LAYN: variants seen among roughly 807,000 people sequenced by gnomAD.
LAYN encodes the protein layilin.
A neutral mutation model predicts 43.6 loss-of-function variants in LAYN; 38 were observed. That is an observed-to-expected ratio of 0.87 (90% CI 0.67 to 1.14). The LOEUF (loss-of-function observed/expected upper bound fraction) is 1.14, where lower values mean the gene tolerates loss of function less well. Among genes scored for constraint, LAYN ranks in the 50% most tolerant of loss-of-function variants. The pLI is 0.00. For synonymous variants in LAYN, 168 were observed against 172.9 expected (o/e 0.97, Z 0.22); for missense variants, 479 against 463.8 (o/e 1.03, Z -0.30).
chr11:111,559,355 G>T (rs1867903792), intron 6 of LAYN, among the ~76,000 whole-genome samples: 1 of 152,022 alleles, frequency 6.6e-6, no homozygotes, highest in South Asian at 2.1e-4. Context: ...TATTAATCCT[G>T]CTGTTTTATC....
intron 2 of LAYN, among the ~76,000 whole-genome samples, chr11:111,548,847 T>C (rs939917687): frequency 1.4e-4 from 22 of 152,254 alleles, no homozygotes; most frequent in Admixed American, 7.2e-4. Context: ...TACTCACAGA[T>C]GTAAACGCTC....
chr11:111,555,797 T>C (rs1023009428), intron 5 of LAYN, among the ~76,000 whole-genome samples: 11 of 152,212 alleles, frequency 7.2e-5, no homozygotes, highest in African/African-American at 2.7e-4. Flanking sequence ...ACATCTGAGT[T>C]TTTGTCACTG....
At position 111,544,227 on chromosome 11, in the gene LAYN, G is replaced by A. The variant is rs746729013; in HGVS notation, c.383+7G>A. 3 of 1,606,506 alleles carry A rather than the reference G, an allele frequency of 1.9e-6. No individual in the cohort carries two copies. The highest frequency in any genetic ancestry group is 2.2e-5 in the South Asian group (2 of 89,780). On this transcript the variant is annotated splice_region_variant and intron_variant, in intron 2 of 6. Transcript: ENST00000375614. The stretch of plus-strand genomic sequence containing the variant: ...GCAGCATATCACAATTTAGGTAAGT[G>A]TGTGGAACCCACAGCTGCTGACTCA...
chr11:111,560,132 C>CA lies in LAYN; in HGVS notation c.800dup (p.His267GlnfsTer28), dbSNP rs1333598242. ...GCCAGACCCTAGCACAAAGAAGCAACACACCATCTGGCCCTCTCCTCACCA... is the reference window on the plus strand; with the variant it reads ...GCCAGACCCTAGCACAAAGAAGCAACAACACCATCTGGCCCTCTCCTCACCA... On this transcript the variant is annotated frameshift_variant, in exon 7 of 7. Transcript: ENST00000375614. LOFTEE classifies it high-confidence loss of function. The CA allele has an allele frequency of 6.2e-7, 1 of 1,613,514 alleles. No individual in the cohort carries two copies. The highest frequency in any genetic ancestry group is 1.3e-5 in the African/African-American group (1 of 74,880).
At chr11:111,544,409 A>C (rs1019049245) in intron 2 of LAYN, among the ~76,000 whole-genome samples, 189 bp downstream of exon 2, 1 of 152,152 alleles carries the variant, frequency 6.6e-6, no homozygotes. Context: ...TTTGGGCCCA[A>C]CTGATGTCCA....
At chr11:111,553,715 TACACAC>T (rs60878342) in intron 3 of LAYN, among the ~76,000 whole-genome samples, 1,691 of 140,470 alleles carry the variant, frequency 0.012, 10 homozygotes, top group Non-Finnish European at 0.019. Flanking sequence ...ACATCACCTA[TACACAC>T]ACACACACAC....
intron 6 of LAYN, among the ~76,000 whole-genome samples, chr11:111,559,546 C>A (rs768581308): frequency 1.3e-5 from 2 of 152,042 alleles, no homozygotes; most frequent in African/African-American, 4.8e-5. Context: ...CTCACTGCGG[C>A]CTTGACCTCC....
rs2135809189 is a variant in LAYN, at chr11:111,561,406, C to T, written c.*948C>T. 6.6e-6 allele frequency: 1 copy of T among 152,324 alleles called. No individual in the cohort carries two copies. Among genetic ancestry groups the T allele is most frequent in the East Asian group, 1.9e-4 (1 of 5,182 alleles). 9.4% of individuals were successfully genotyped at this position (152,324 alleles called of 1,614,324 possible). On this transcript the variant is annotated 3_prime_UTR_variant, in exon 7 of 7. Coordinates refer to ENST00000375614, the MANE Select transcript of LAYN (RefSeq NM_178834.5). ...GAAACTAAAAATGAAATTTGAGTCT[C>T]AGCTTCTAGGCTTATGTACTCCCAT...
In LAYN at chr11:111,560,541, GAA is replaced by G; in HGVS notation, c.*84_*85del. On this transcript the variant is annotated 3_prime_UTR_variant, in exon 7 of 7. Transcript: ENST00000375614. ...TTATTTTCTATAAGGAAAATACACA[GAA>G]GGTCTATGAACAAGCTTAGATCAGG... 7.1e-7 allele frequency: 1 copy of G among 1,413,328 alleles called. No homozygotes were observed. The highest frequency in any genetic ancestry group is 9.6e-7 in the Non-Finnish European group (1 of 1,046,340). 87.5% of individuals were successfully genotyped at this position (1,413,328 alleles called of 1,614,324 possible).
chr11:111,541,859 G>A (rs889271531), intron 1 of LAYN, among the ~76,000 whole-genome samples: 1 of 152,096 alleles, frequency 6.6e-6, no homozygotes, highest in Non-Finnish European at 1.5e-5. Context: ...CCTTGGTCGC[G>A]GGGAACAGAA....
At chr11:111,554,948 G>A (rs1867808471) in intron 4 of LAYN, among the ~76,000 whole-genome samples, 1 of 152,158 alleles carries the variant, frequency 6.6e-6, no homozygotes, top group Non-Finnish European at 1.5e-5. Context: ...TGACACCTTG[G>A]TATTTTATGT....
At chr11:111,552,175 C>A (rs994627779) in intron 3 of LAYN, among the ~76,000 whole-genome samples, 9 of 152,056 alleles carry the variant, frequency 5.9e-5, no homozygotes, top group Non-Finnish European at 8.8e-5. Flanking sequence ...ACCATTCTTG[C>A]AAATTTTCAT....
Position 111,560,703 on chromosome 11 carries a change from C to G in LAYN, c.*245C>G. ...GCCCAGGTCTGGCACATAGTAGAGT[C>G]TCAATAAATGTCACTTGGTTGGTTG... On this transcript the variant is annotated 3_prime_UTR_variant, in exon 7 of 7. Transcript: ENST00000375614. The G allele has an allele frequency of 4.2e-6, 2 of 472,894 alleles. No individual in the cohort carries two copies. Among genetic ancestry groups the G allele is most frequent in the Non-Finnish European group, 7.6e-6 (2 of 263,704 alleles). 29.3% of individuals were successfully genotyped at this position (472,894 alleles called of 1,614,324 possible).
intron 3 of LAYN, among the ~76,000 whole-genome samples, chr11:111,553,918 A>G (rs1403340528): frequency 6.6e-6 from 1 of 152,164 alleles, no homozygotes; most frequent in African/African-American, 2.4e-5. Flanking sequence ...TGCCAATACA[A>G]CAGGTGGACA....
rs1164126839 is a variant in LAYN at position 111,540,800 on chromosome 11, C to A, written c.-44C>A. 103 of 1,506,040 alleles carry A rather than the reference C, an allele frequency of 6.8e-5. No individual in the cohort carries two copies. The highest frequency in any genetic ancestry group is 3.2e-5 in the Non-Finnish European group (36 of 1,133,022). 93.3% of individuals were successfully genotyped at this position (1,506,040 alleles called of 1,614,324 possible). ...CGCCTCTGCCCGCCAGCCCGCTCCA[C>A]CGCCGTAGCGCCCGAGTGTCGGGGG... is the stretch of plus-strand genomic sequence containing the variant. On this transcript the variant is annotated 5_prime_UTR_variant, in exon 1 of 7. Coordinates refer to ENST00000375614, the MANE Select transcript of LAYN (RefSeq NM_178834.5).
chr11:111,541,783 G>A (rs1004560015), intron 1 of LAYN, among the ~76,000 whole-genome samples: 1 of 152,142 alleles, frequency 6.6e-6, no homozygotes, highest in African/African-American at 2.4e-5. Flanking sequence ...TCAGGATGGG[G>A]GCGGGGCGGC....
chr11:111,549,678 G>A lies in LAYN; in HGVS notation c.444G>A (p.Gln148=). The change falls in exon 3 of 7, where the codon CAG becomes CAA. Residue 148 remains glutamine (Q), a synonymous_variant. Transcript: ENST00000375614. ...GSEVCVVMYH[Q]PSAPAGIGGP... Reference sequence around the variant, plus strand: ...AGGTCTGCGTGGTCATGTACCATCAGCCATCGGCACCCGCTGGCATCGGAG... The same window carrying A: ...AGGTCTGCGTGGTCATGTACCATCAACCATCGGCACCCGCTGGCATCGGAG... 4.4e-6 allele frequency: 7 copies of A among 1,603,330 alleles called. No individual in the cohort carries two copies. Among genetic ancestry groups the A allele is most frequent in the Non-Finnish European group, 5.1e-6 (6 of 1,175,874 alleles).
intron 2 of LAYN, among the ~76,000 whole-genome samples, chr11:111,544,802 A>G (rs1314560457): frequency 6.6e-6 from 1 of 152,154 alleles, no homozygotes; most frequent in African/African-American, 2.4e-5. Flanking sequence ...AAAGACAGAC[A>G]TGAGACTAGG....
chr11:111,559,939 C>T (rs1254834324), intron 6 of LAYN, among the ~76,000 whole-genome samples, 156 bp from the exon 7 acceptor site: 3 of 152,054 alleles, frequency 2.0e-5, no homozygotes, highest in African/African-American at 7.2e-5. Context: ...CTGTTTGGTT[C>T]CCTCCCACTC....
Sources: gnomAD v4.1 joint callset for allele counts (sites outside exome capture counted in the v4.1 genomes callset) on GRCh38, gnomAD v4.1.1 for gene constraint, MANE v1.5 for transcripts, NCBI Gene and HGNC (gene_info 2026-07-23, HGNC 2026-07-21) for gene names.